LRFN3: variants seen among roughly 807,000 people sequenced by gnomAD.
The protein encoded by LRFN3 is leucine-rich repeat and fibronectin type-III domain-containing protein 3.
Under a neutral mutation model 23.8 loss-of-function variants are expected in LRFN3, and 8 were observed. The ratio of observed to expected loss-of-function variants is 0.34; its 90% confidence interval spans 0.20 to 0.61. The LOEUF (loss-of-function observed/expected upper bound fraction) is 0.61, where lower values mean the gene tolerates loss of function less well. Ranked by LOEUF, LRFN3 falls within the 20% of genes least tolerant of loss-of-function variation. LRFN3 has a pLI of 0.80. For missense variants in LRFN3, 736 were observed against 935.3 expected (o/e 0.79, Z 2.78); for synonymous variants, 451 against 450.6 (o/e 1.00, Z -0.01).
In LRFN3 at chr19:35,940,710, C is replaced by G; in HGVS notation, c.1285C>G (p.Arg429Gly). The G allele has an allele frequency of 6.2e-7, 1 of 1,613,476 alleles. No homozygotes were observed. Among genetic ancestry groups the G allele is most frequent in the Non-Finnish European group, 8.5e-7 (1 of 1,179,960 alleles). The change falls in exon 2 of 3, where the codon CGT becomes GGT. Residue 429 changes from arginine to glycine, a missense_variant. Arg to Gly is a moderately radical substitution (Grantham distance 125). This residue lies in a region of LRFN3 where 446 missense variants were observed against 647.9 expected (regional missense o/e 0.69). Transcript: ENST00000246529. ...KVADTGPPTDRGVQVTEHGAT... is the reference protein window; with the variant it reads ...KVADTGPPTDGGVQVTEHGAT... ...GGCCGACACTGGGCCCCCTACCGAC[C>G]GTGGCGTCCAGGTGACTGAGCACGG...
chr19:35,940,728 G>A lies in LRFN3; in HGVS notation c.1303G>A (p.Glu435Lys). The A allele has an allele frequency of 6.2e-7, 1 of 1,613,540 alleles. No individual in the cohort carries two copies. The highest frequency in any genetic ancestry group is 1.1e-5 in the South Asian group (1 of 91,062). The change falls in exon 2 of 3, where the codon GAG (glutamate) becomes AAG (lysine). Residue 435 changes from glutamate (E) to lysine (K), a missense_variant. This residue lies in a region of LRFN3 where 446 missense variants were observed against 647.9 expected (regional missense o/e 0.69). Transcript: ENST00000246529. ...TACCGACCGTGGCGTCCAGGTGACTGAGCACGGGGCCACAGCTGCTCTTGT... is the reference window on the plus strand; with the variant it reads ...TACCGACCGTGGCGTCCAGGTGACTAAGCACGGGGCCACAGCTGCTCTTGT... ...PPTDRGVQVT[E>K]HGATAALVQW...
intron 2 of LRFN3, among the ~76,000 whole-genome samples, chr19:35,942,220 G>A (rs978871908): frequency 2.6e-5 from 4 of 152,152 alleles, no homozygotes; most frequent in African/African-American, 7.2e-5. Context: ...CCTAGTTCAA[G>A]TTCCTTTTGC....
chr19:35,940,810 AC>A lies in LRFN3; in HGVS notation c.1386del (p.Asn462LysfsTer12). On this transcript the variant is annotated frameshift_variant, in exon 2 of 3. Transcript: ENST00000246529. LOFTEE classifies it low-confidence loss of function (END_TRUNC). ...PGIRMYQIQY[N>X]SSADDILVYR... Reference sequence around the variant, plus strand: ...ATCCGCATGTACCAGATCCAGTACAACAGCTCGGCTGATGACATCCTCGTCT... The same window carrying A: ...ATCCGCATGTACCAGATCCAGTACAAAGCTCGGCTGATGACATCCTCGTCT... 6.3e-7 allele frequency: 1 copy of A among 1,587,670 alleles called. No homozygotes were observed. Among genetic ancestry groups the A allele is most frequent in the Non-Finnish European group, 8.6e-7 (1 of 1,161,750 alleles).
Position 35,944,021 on chromosome 19 carries a change from C to A in LRFN3, c.1416-527C>A, listed in dbSNP as rs940742780. ...CCTGGGCAATATAGCAAGAGCCTGT[C>A]TCTACAAAAAATTTAAAAATTAGCT... On this transcript the variant is annotated intron_variant, in intron 2 of 2. Coordinates refer to ENST00000246529, the MANE Select transcript of LRFN3 (RefSeq NM_024509.2). The surrounding 1 kb of genome is among the most constrained non-coding windows in gnomAD (Gnocchi z 4.5). Among the ~76,000 whole-genome samples, 1 of 152,116 alleles carries A rather than the reference C, an allele frequency of 6.6e-6. No homozygotes were observed. Among genetic ancestry groups the A allele is most frequent in the Non-Finnish European group, 1.5e-5 (1 of 68,020 alleles).
At position 35,939,363 on chromosome 19, in the gene LRFN3, C is replaced by T; in HGVS notation, c.-16-47C>T. The stretch of plus-strand genomic sequence containing the variant: ...TCCTGGTCTCAGACCACCCCCAGCC[C>T]CTGCAGAACCCCTCTTCTGCCCTCA... On this transcript the variant is annotated intron_variant, in intron 1 of 2. Transcript: ENST00000246529. The surrounding 1 kb of genome is among the most constrained non-coding windows in gnomAD (Gnocchi z 6.4). 6.6e-7 allele frequency: 1 copy of T among 1,519,784 alleles called. No individual in the cohort carries two copies. Among genetic ancestry groups the T allele is most frequent in the Non-Finnish European group, 8.8e-7 (1 of 1,134,788 alleles). The allele number at this position is 1,519,784 out of a possible 1,614,324, so 94.1% of individuals were successfully genotyped here.
Position 35,939,938 on chromosome 19 carries a change from G to T in LRFN3, c.513G>T (p.Leu171=). 6.2e-7 allele frequency: 1 copy of T among 1,606,962 alleles called. No individual in the cohort carries two copies. ...TCTCCTACAACAACCTCGAGCAGCT[G>T]CCCTGGGAGGCCCTGGGCCGCCTGG... ...LDLSYNNLEQ[L]PWEALGRLGN... Residue 171 remains leucine (L), a synonymous_variant, in exon 2 of 3, where the codon CTG becomes CTT. Coordinates refer to ENST00000246529, the MANE Select transcript of LRFN3 (RefSeq NM_024509.2). This position sits in a 1 kb window ranked among gnomAD's most constrained non-coding sequence, Gnocchi z 6.4.
chr19:35,946,506 A>G lies in LRFN3; in HGVS notation c.*1487A>G, dbSNP rs1976179936. 6.6e-6 allele frequency among the ~76,000 whole-genome samples: 1 copy of G among 151,706 alleles called. No homozygotes were observed. The highest frequency in any genetic ancestry group is 2.1e-4 in the South Asian group (1 of 4,802). The stretch of plus-strand genomic sequence containing the variant: ...ATATTTAAGGGTGACGCAAAGAAAA[A>G]CCTAACCAAGACTAAACAGGACCAG... On this transcript the variant is annotated 3_prime_UTR_variant, in exon 3 of 3. Transcript: ENST00000246529.
Position 35,944,922 on chromosome 19 carries a change from C to T in LRFN3, c.1790C>T (p.Ala597Val). 6.5e-7 allele frequency: 1 copy of T among 1,538,118 alleles called. No homozygotes were observed. The highest frequency in any genetic ancestry group is 1.2e-5 in the South Asian group (1 of 83,958). The change falls in exon 3 of 3, where the codon GCC becomes GTC. Residue 597 changes from alanine to valine, a missense_variant. By Grantham distance (64) the Ala-to-Val change is moderately conservative. Coordinates refer to ENST00000246529, the MANE Select transcript of LRFN3 (RefSeq NM_024509.2). The surrounding 1 kb of genome is among the most constrained non-coding windows in gnomAD (Gnocchi z 4.5). ...NGALGPTPTP[A>V]PPAPEPAALR... The stretch of plus-strand genomic sequence containing the variant: ...GCCCTGGGCCCCACGCCCACGCCCG[C>T]CCCGCCCGCCCCGGAGCCCGCGGCG...
In LRFN3 at chr19:35,944,527, C is replaced by T; in HGVS notation, c.1416-21C>T. ...GGGGCTGGGCAGCCTGAGACCTGAC[C>T]CCCACCTGCCTGCCCTGCAGGATGA... On this transcript the variant is annotated intron_variant, in intron 2 of 2. Coordinates refer to ENST00000246529, the MANE Select transcript of LRFN3 (RefSeq NM_024509.2). This position sits in a 1 kb window ranked among gnomAD's most constrained non-coding sequence, Gnocchi z 4.5. 1 of 1,414,356 alleles carries T rather than the reference C, an allele frequency of 7.1e-7. No homozygotes were observed. Among genetic ancestry groups the T allele is most frequent in the Non-Finnish European group, 9.2e-7 (1 of 1,087,652 alleles). 87.6% of individuals were successfully genotyped at this position (1,414,356 alleles called of 1,614,324 possible). A position where few individuals can be genotyped will look rare whatever the true frequency, so the allele number is the denominator to read the frequency against.
Position 35,944,699 on chromosome 19 carries a change from G to C in LRFN3, c.1567G>C (p.Ala523Pro). ...CTGCGCCCGCTTCTCCACCGAACCT[G>C]CGCTGCGGCCATGCGGGGCGCCGCA... ...VGCARFSTEPALRPCGAPHAP... is the reference protein window; with the variant it reads ...VGCARFSTEPPLRPCGAPHAP... The change falls in exon 3 of 3, where the codon GCG (alanine) becomes CCG (proline). Residue 523 changes from alanine (A) to proline (P), a missense_variant. Physicochemically the swap from Ala to Pro is conservative, Grantham distance 27. Around this residue, in one of 2 missense-constraint regions of LRFN3, gnomAD observed 290 missense variants for 287.4 expected, o/e 1.01. Transcript: ENST00000246529. The surrounding 1 kb of genome is among the most constrained non-coding windows in gnomAD (Gnocchi z 4.5). 6.2e-7 allele frequency: 1 copy of C among 1,604,150 alleles called. No homozygotes were observed.
Position 35,944,915 on chromosome 19 carries a change from ACGCCCGCCC to A in LRFN3, c.1795_1803del (p.Pro599_Pro601del), listed in dbSNP as rs774305566. 7.7e-6 allele frequency: 12 copies of A among 1,558,442 alleles called. No homozygotes were observed. Among genetic ancestry groups the A allele is most frequent in the Middle Eastern group, 2.1e-4 (1 of 4,712 alleles). Reference sequence around the variant, plus strand: ...CAACGGCGCCCTGGGCCCCACGCCCACGCCCGCCCCGCCCGCCCCGGAGCCCGCGGCGCT... The same window carrying A: ...CAACGGCGCCCTGGGCCCCACGCCCACGCCCGCCCCGGAGCCCGCGGCGCT... On this transcript the variant is annotated inframe_deletion, in exon 3 of 3. Transcript: ENST00000246529. This position sits in a 1 kb window ranked among gnomAD's most constrained non-coding sequence, Gnocchi z 4.5.
At chr19:35,942,133 C>T (rs1007125245) in intron 2 of LRFN3, among the ~76,000 whole-genome samples, 3 of 152,192 alleles carry the variant, frequency 2.0e-5, no homozygotes. Context: ...CCACCCGCCT[C>T]GGCCTCCCAA....
chr19:35,941,763 G>A (rs577660178), intron 2 of LRFN3, among the ~76,000 whole-genome samples: 6 of 152,272 alleles, frequency 3.9e-5, no homozygotes, highest in East Asian at 1.9e-4. Flanking sequence ...TAGTGGAGAC[G>A]GGGTTTTGCC....
rs1810384240 is a variant in LRFN3 at position 35,945,268 on chromosome 19, T to C, written c.*249T>C. 2 of 382,824 alleles carry C rather than the reference T, an allele frequency of 5.2e-6. No individual in the cohort carries two copies. Among genetic ancestry groups the C allele is most frequent in the Non-Finnish European group, 4.6e-6 (1 of 216,410 alleles). The allele number at this position is 382,824 out of a possible 1,614,324, so 23.7% of individuals were successfully genotyped here. Reference sequence around the variant, plus strand: ...GGTCTGGAGCTGGGGAATGCCTCCTTTGGGGAGACACCCCCTCCCCGCCCA... The same window carrying C: ...GGTCTGGAGCTGGGGAATGCCTCCTCTGGGGAGACACCCCCTCCCCGCCCA... On this transcript the variant is annotated 3_prime_UTR_variant, in exon 3 of 3. Transcript: ENST00000246529.
rs1976167437 is a variant in LRFN3 at position 35,945,311 on chromosome 19, C to T, written c.*292C>T. The T allele has an allele frequency of 6.1e-6, 2 of 328,830 alleles. No individual in the cohort carries two copies. Among genetic ancestry groups the T allele is most frequent in the South Asian group, 2.0e-4 (2 of 10,010 alleles). The allele number at this position is 328,830 out of a possible 1,614,324, so 20.4% of individuals were successfully genotyped here. A position where few individuals can be genotyped will look rare whatever the true frequency, so the allele number is the denominator to read the frequency against. On this transcript the variant is annotated 3_prime_UTR_variant, in exon 3 of 3. Transcript: ENST00000246529. ...CCCGCCCAGTTCAGTCTGAGGACCC[C>T]GGAGGAGGCTGAGGATGGCGATCCA... is the stretch of plus-strand genomic sequence containing the variant.
rs1437882593 is a variant in LRFN3, at chr19:35,945,053, C to T, written c.*34C>T. 2.4e-6 allele frequency: 3 copies of T among 1,254,624 alleles called. No homozygotes were observed. Among genetic ancestry groups the T allele is most frequent in the Admixed American group, 3.9e-5 (1 of 25,566 alleles). 77.7% of individuals were successfully genotyped at this position (1,254,624 alleles called of 1,614,324 possible). A position where few individuals can be genotyped will look rare whatever the true frequency, so the allele number is the denominator to read the frequency against. On this transcript the variant is annotated 3_prime_UTR_variant, in exon 3 of 3. Transcript: ENST00000246529. Reference sequence around the variant, plus strand: ...CCCCCCCTCTAAGGGTCCTCTGGCCCCACGGACAGCAGGACCCGGACACCC... The same window carrying T: ...CCCCCCCTCTAAGGGTCCTCTGGCCTCACGGACAGCAGGACCCGGACACCC...
rs746742249 is a variant in LRFN3, at chr19:35,939,533, A to T, written c.108A>T (p.Thr36=). ...SPCPRRCRCQ[T]QSLPLSVLCP... ...GTCCCCGCCGCTGCCGCTGCCAGACACAGTCGCTGCCCCTAAGCGTGCTGT... is the reference window on the plus strand; with the variant it reads ...GTCCCCGCCGCTGCCGCTGCCAGACTCAGTCGCTGCCCCTAAGCGTGCTGT... Residue 36 remains threonine (T), a synonymous_variant, in exon 2 of 3, where the codon ACA becomes ACT. Transcript: ENST00000246529. The surrounding 1 kb of genome is among the most constrained non-coding windows in gnomAD (Gnocchi z 6.4). 8 of 1,607,898 alleles carry T rather than the reference A, an allele frequency of 5.0e-6. No homozygotes were observed. The South Asian group carries it at 8.8e-5, about 18-fold the overall frequency.
At chr19:35,942,787 T>C (rs1976137154) in intron 2 of LRFN3, among the ~76,000 whole-genome samples, 1 of 152,114 alleles carries the variant, frequency 6.6e-6, no homozygotes, top group African/African-American at 2.4e-5. Context: ...CCCAGCACTT[T>C]GGGAGGCCGA....
chr19:35,940,089 G>A lies in LRFN3; in HGVS notation c.664G>A (p.Asp222Asn), dbSNP rs1227619561. The A allele has an allele frequency of 6.2e-7, 1 of 1,612,012 alleles. No homozygotes were observed. Among genetic ancestry groups the A allele is most frequent in the Admixed American group, 1.7e-5 (1 of 60,014 alleles). Residue 222 changes from aspartate (D) to asparagine (N), a missense_variant, in exon 2 of 3, where the codon GAC becomes AAC. By Grantham distance (23) the Asp-to-Asn change is conservative (BLOSUM62 1). This residue lies in a region of LRFN3 where 446 missense variants were observed against 647.9 expected (regional missense o/e 0.69). Transcript: ENST00000246529. ...TSNRLTTIPP[D>N]PLFSRLPLLA... ...CAACCGCCTGACCACAATCCCACCC[G>A]ACCCACTCTTCTCCCGCCTGCCCCT...
Sources: allele counts gnomAD v4.1 joint callset (sites outside exome capture counted in the v4.1 genomes callset), GRCh38; gene constraint gnomAD v4.1.1; regional missense constraint gnomAD v4.1.1; non-coding constraint Gnocchi (gnomAD v3.1); transcripts MANE v1.5; gene names NCBI Gene and HGNC (gene_info 2026-07-23, HGNC 2026-07-21).